ANO2: variants seen among roughly 807,000 people sequenced by gnomAD.
ANO2 encodes the protein anoctamin-2.
In ANO2, 101 loss-of-function variants were observed where a neutral mutation model predicts 124.2. The observed-to-expected ratio is 0.81, with a 90% CI of 0.69 to 0.96. The LOEUF (loss-of-function observed/expected upper bound fraction) is 0.96, where lower values mean the gene tolerates loss of function less well. Among genes scored for constraint, ANO2 ranks in the 40% least tolerant of loss-of-function variants. The pLI is 0.00. For synonymous variants in ANO2, 486 were observed against 482.5 expected, an observed-to-expected ratio of 1.01 and a Z score of -0.09; for missense variants, 1,293 against 1,274.5, an observed-to-expected ratio of 1.01 and a Z score of -0.22.
chr12:5,830,609 C>T, intron 5 of ANO2, 120 bp from the exon 6 acceptor site: 1 of 718,388 alleles, frequency 1.4e-6, no homozygotes, highest in Non-Finnish European at 2.3e-6. Context: ...ATGAGGTGCA[C>T]ACACACACGA....
At chr12:5,945,864 GT>G (rs1286532416), upstream of ANO2, among the ~76,000 whole-genome samples, 1 of 148,828 alleles carries the variant, frequency 6.7e-6, no homozygotes, top group African/African-American at 2.6e-5. Context: ...AGGAGGAGGG[GT>G]CCATTTTACA....
chr12:5,563,388 T>C lies in ANO2; in HGVS notation c.2908A>G (p.Ser970Gly), dbSNP rs1276315063. 6.2e-7 allele frequency: 1 copy of C among 1,607,718 alleles called. No individual in the cohort carries two copies. Among genetic ancestry groups the C allele is most frequent in the Non-Finnish European group, 8.5e-7 (1 of 1,177,570 alleles). The change falls in exon 25 of 25, where the codon AGC (serine) becomes GGC (glycine). Residue 970 changes from serine to glycine, a missense_variant. Physicochemically the swap from Ser to Gly is moderately conservative, Grantham distance 56. Transcript: ENST00000682330. ...ALRSPGGGDR[S>G]RSRAASSAPS... ...GCTGAGCTGGCTGCCCGGCTCCTGC[T>C]TCGATCCCCACCTCCTGGGCTCCTC...
chr12:5,720,086 A>G (rs1950165196), intron 14 of ANO2, among the ~76,000 whole-genome samples: 1 of 152,042 alleles, frequency 6.6e-6, no homozygotes, highest in African/African-American at 2.4e-5. Flanking sequence ...CAGTGACAGG[A>G]CTGCAATGAT....
intron 14 of ANO2, among the ~76,000 whole-genome samples, chr12:5,712,650 A>C (rs552459951): frequency 6.6e-6 from 1 of 152,342 alleles, no homozygotes; most frequent in South Asian, 2.1e-4. Context: ...TTGTTGCAGC[A>C]GCCATGGGAG....
chr12:5,844,013 T>A (rs1234245285), intron 4 of ANO2, among the ~76,000 whole-genome samples: 3 of 152,142 alleles, frequency 2.0e-5, no homozygotes, highest in Non-Finnish European at 4.4e-5. Flanking sequence ...GACTGTTGAC[T>A]AAGAGTCCGG....
chr12:5,694,251 C>CAGAGACAGAGAGAG (rs1555137021), intron 14 of ANO2, among the ~76,000 whole-genome samples: 1 of 133,882 alleles, frequency 7.5e-6, no homozygotes. Context: ...TTACCAGAGA[C>CAGAGACAGAGAGAG]AGAGAGAGAG....
intron 14 of ANO2, among the ~76,000 whole-genome samples, chr12:5,725,145 C>T (rs1950389389): frequency 6.6e-6 from 1 of 151,292 alleles, no homozygotes; most frequent in Admixed American, 6.6e-5. Context: ...TCTCACACCA[C>T]TGGCACACTC....
intron 14 of ANO2, among the ~76,000 whole-genome samples, chr12:5,712,749 C>G (rs1162801600): frequency 6.6e-6 from 1 of 152,092 alleles, no homozygotes; most frequent in Non-Finnish European, 1.5e-5. Context: ...TTTTCTAGGA[C>G]AAGAAGGAGT....
At chr12:5,725,095 TCTCA>T (rs767696677) in intron 14 of ANO2, among the ~76,000 whole-genome samples, 22 of 46,092 alleles carry the variant, frequency 4.8e-4, no homozygotes, top group Admixed American at 2.9e-3. Flanking sequence ...CTTGTCTCCC[TCTCA>T]CACACACACA....
chr12:5,810,155 T>C (rs954561354), intron 7 of ANO2, among the ~76,000 whole-genome samples: 4 of 152,132 alleles, frequency 2.6e-5, no homozygotes, highest in African/African-American at 7.2e-5. Flanking sequence ...TCAGGTGGTA[T>C]CCTATGGGTG....
At chr12:5,803,760 G>C (rs528726296) in intron 9 of ANO2, among the ~76,000 whole-genome samples, 1 of 152,150 alleles carries the variant, frequency 6.6e-6, no homozygotes, top group African/African-American at 2.4e-5. Flanking sequence ...TCTTCTTAAC[G>C]ACCCTCCAGG....
intron 3 of ANO2, among the ~76,000 whole-genome samples, chr12:5,902,218 CT>C (rs950885524): frequency 1.3e-5 from 2 of 152,112 alleles, no homozygotes; most frequent in Non-Finnish European, 2.9e-5. Context: ...TGCTTATTCA[CT>C]TTTTTAAAAA....
In ANO2 at chr12:5,575,901, C is replaced by T. The variant is rs202214559; in HGVS notation, c.2554G>A (p.Val852Ile). ...FVNHTLSFFN[V>I]SQLKEGTQPE... ...TGCGTCCCCTCCTTCAGCTGGCTGACGTTGAAAAAGGAGAGGGTGTGGTTG... is the reference window on the plus strand; with the variant it reads ...TGCGTCCCCTCCTTCAGCTGGCTGATGTTGAAAAAGGAGAGGGTGTGGTTG... Residue 852 changes from valine to isoleucine, a missense_variant, in exon 23 of 25, where the codon GTC (valine) becomes ATC (isoleucine). Physicochemically the swap from Val to Ile is conservative, Grantham distance 29. Transcript: ENST00000682330. 1.2e-5 allele frequency: 20 copies of T among 1,613,760 alleles called. 2 individuals carry two copies. Among genetic ancestry groups the T allele is most frequent in the South Asian group, 1.2e-4 (11 of 90,972 alleles).
chr12:5,571,910 C>A (rs1275876568), intron 23 of ANO2, among the ~76,000 whole-genome samples: 2 of 152,260 alleles, frequency 1.3e-5, no homozygotes, highest in Admixed American at 6.5e-5. Flanking sequence ...CCTTATCAAT[C>A]TAGGAAACGC....
chr12:5,776,095 A>G (rs1952225727), intron 10 of ANO2, among the ~76,000 whole-genome samples: 1 of 152,190 alleles, frequency 6.6e-6, no homozygotes, highest in African/African-American at 2.4e-5. Flanking sequence ...ACCACGCATC[A>G]ATAATGAGCA....
intron 3 of ANO2, among the ~76,000 whole-genome samples, chr12:5,861,778 C>A (rs1330518319): frequency 6.6e-6 from 1 of 152,148 alleles, no homozygotes; most frequent in Non-Finnish European, 1.5e-5. Flanking sequence ...ATCACCAGCG[C>A]CCCCACCACA....
chr12:5,835,248 C>T (rs545787590), intron 4 of ANO2, among the ~76,000 whole-genome samples: 10 of 152,248 alleles, frequency 6.6e-5, no homozygotes, highest in East Asian at 1.9e-4. Flanking sequence ...GGGGTTCTGA[C>T]GGGCAATAGT....
chr12:5,695,799 C>T (rs1201659542), intron 14 of ANO2, among the ~76,000 whole-genome samples: 1 of 152,200 alleles, frequency 6.6e-6, no homozygotes, highest in Non-Finnish European at 1.5e-5. Flanking sequence ...CGAGATCTCA[C>T]CATTGCACTT....
intron 3 of ANO2, among the ~76,000 whole-genome samples, chr12:5,860,889 T>A (rs1591708868): frequency 4.0e-5 from 6 of 151,822 alleles, no homozygotes; most frequent in Admixed American, 3.9e-4. Context: ...CTTCTGGGGG[T>A]GTTATAGCAT....
Sources: allele counts gnomAD v4.1 joint callset (sites outside exome capture counted in the v4.1 genomes callset), GRCh38; gene constraint gnomAD v4.1.1; transcripts MANE v1.5; gene names NCBI Gene and HGNC (gene_info 2026-07-23, HGNC 2026-07-21).